CFAP47: variants seen among roughly 807,000 people sequenced by gnomAD.
CFAP47 encodes the protein cilia and flagella associated protein 47.
A neutral mutation model predicts 148.1 loss-of-function variants in CFAP47; 29 were observed. The observed-to-expected ratio is 0.20, with a 90% CI of 0.15 to 0.27. The LOEUF (loss-of-function observed/expected upper bound fraction) is 0.27, where lower values mean the gene tolerates loss of function less well. CFAP47 is among the 10% of genes least tolerant of loss of function. The pLI, the probability that CFAP47 is intolerant of heterozygous loss-of-function variation, is 1.00. For missense variants in CFAP47, 1,872 were observed against 1,697.5 expected (o/e 1.10, Z -1.81); for synonymous variants, 664 against 577.3 (o/e 1.15, Z -2.15).
At chrX:36,231,091 C>T (rs1484446562) in intron 46 of CFAP47, among the ~76,000 whole-genome samples, 3 of 109,147 alleles carry the variant, frequency 2.7e-5, no homozygotes, top group Non-Finnish European at 3.8e-5. Context: ...CTTGGCAATG[C>T]GGGCTCTTTT....
At chrX:36,351,224 C>T (rs1396155497) in intron 59 of CFAP47, among the ~76,000 whole-genome samples, 1 of 111,618 alleles carries the variant, frequency 9.0e-6, no homozygotes, top group East Asian at 2.8e-4. Context: ...ATACCTTTGA[C>T]CACAAATGTC....
chrX:36,179,529 A>G, intron 40 of CFAP47, 107 bp downstream of exon 40: 1 of 273,725 alleles, frequency 3.7e-6, no homozygotes, highest in Non-Finnish European at 6.4e-6. Context: ...ATTTATTCAA[A>G]ATGTTTAATT....
At chrX:36,316,598 G>T (rs782588510) in intron 56 of CFAP47, among the ~76,000 whole-genome samples, 11 of 111,797 alleles carry the variant, frequency 9.8e-5, no homozygotes, top group African/African-American at 9.8e-5. Context: ...AAACATTTTG[G>T]CTTATTCCAA....
At chrX:36,220,048 G>A (rs1940198302) in intron 45 of CFAP47, among the ~76,000 whole-genome samples, 1 of 111,553 alleles carries the variant, frequency 9.0e-6, no homozygotes, top group Non-Finnish European at 1.9e-5. Flanking sequence ...AAATTTGAAT[G>A]TTCCAAAACC....
chrX:36,136,246 A>AT (rs1412980643), intron 33 of CFAP47, among the ~76,000 whole-genome samples: 3 of 106,222 alleles, frequency 2.8e-5, no homozygotes, highest in African/African-American at 6.8e-5. Flanking sequence ...TGCTTGGAGG[A>AT]TTTTTTTTTA....
chrX:36,048,377 C>T (rs1052615040), intron 26 of CFAP47, among the ~76,000 whole-genome samples: 4 of 111,331 alleles, frequency 3.6e-5, no homozygotes, highest in Non-Finnish European at 5.7e-5. Context: ...CCTTTATTTG[C>T]ATCTGGTTTG....
intron 18 of CFAP47, among the ~76,000 whole-genome samples, chrX:35,994,704 C>A (rs756785535): frequency 2.7e-5 from 3 of 110,523 alleles, no homozygotes; most frequent in African/African-American, 9.9e-5. Context: ...AAAAAATGGC[C>A]ACCAAAAATG....
intron 62 of CFAP47, among the ~76,000 whole-genome samples, chrX:36,371,830 ATGTGTGTATATG>A (rs1208215201): frequency 4.6e-5 from 3 of 65,346 alleles, no homozygotes; most frequent in African/African-American, 1.6e-4. Flanking sequence ...ATATACACAC[ATGTGTGTATATG>A]TGTGTATATA....
At chrX:36,287,771 C>T (rs918226094) in intron 51 of CFAP47, among the ~76,000 whole-genome samples, 7 of 111,496 alleles carry the variant, frequency 6.3e-5, no homozygotes, top group South Asian at 3.7e-4. Context: ...TCGTAATTGT[C>T]GAAGGTAAAA....
intron 38 of CFAP47, among the ~76,000 whole-genome samples, chrX:36,159,940 G>T (rs1939409762): frequency 1.8e-5 from 2 of 112,040 alleles, no homozygotes; most frequent in Admixed American, 9.5e-5. Context: ...GGGTGGGGAA[G>T]AGAGATTTTT....
At chrX:36,052,787 A>G (rs1208447215) in intron 26 of CFAP47, among the ~76,000 whole-genome samples, 1 of 112,660 alleles carries the variant, frequency 8.9e-6, no homozygotes, top group Non-Finnish European at 1.9e-5. Context: ...AATTAGAAAG[A>G]ATTGAGGAAT....
rs1179503110 is a variant in CFAP47 at position 36,039,085 on chromosome X, T to C, written c.3913T>C (p.Leu1305=). The change falls in exon 25 of 64, where the codon TTA becomes CTA. Residue 1305 remains leucine, a synonymous_variant. Coordinates refer to ENST00000378653, the MANE Select transcript of CFAP47 (RefSeq NM_001304548.2). ...TACTGGGGAAGTAAAATCACCAGAG[T>C]TATTGTTTGACCCTCCATTTATATT... ...HLTGEVKSPE[L]LFDPPFIFFT... 1 of 1,103,734 alleles carries C rather than the reference T, an allele frequency of 9.1e-7. No homozygotes were observed. Among genetic ancestry groups the C allele is most frequent in the Non-Finnish European group, 1.2e-6 (1 of 818,765 alleles). The allele number at this position is 1,103,734 out of a possible 1,213,427, so 91.0% of individuals were successfully genotyped here.
At chrX:36,218,212 T>C (rs1940178184) in intron 45 of CFAP47, among the ~76,000 whole-genome samples, 1 of 112,736 alleles carries the variant, frequency 8.9e-6, no homozygotes, top group African/African-American at 3.2e-5. Context: ...ACAAAGTTAA[T>C]TTGCTGTCAG....
At chrX:36,108,232 G>A (rs997115567) in intron 33 of CFAP47, among the ~76,000 whole-genome samples, 1 of 110,708 alleles carries the variant, frequency 9.0e-6, no homozygotes, top group Non-Finnish European at 1.9e-5. Context: ...TCCTTCTTCT[G>A]TCTTTGCTCC....
intron 30 of CFAP47, among the ~76,000 whole-genome samples, chrX:36,096,060 T>C (rs1305818344): frequency 9.0e-6 from 1 of 111,163 alleles, no homozygotes; most frequent in Non-Finnish European, 1.9e-5. Context: ...GTTTCCAATA[T>C]CATTTATCTC....
intron 57 of CFAP47, among the ~76,000 whole-genome samples, chrX:36,347,086 A>G (rs182056338): frequency 1.8e-5 from 2 of 112,253 alleles, no homozygotes; most frequent in East Asian, 5.6e-4. Flanking sequence ...TCAAATTTAT[A>G]AGAAAAAAAC....
chrX:36,261,866 G>A (rs1940829788), intron 49 of CFAP47, among the ~76,000 whole-genome samples: 1 of 110,560 alleles, frequency 9.0e-6, no homozygotes, highest in Admixed American at 9.5e-5. Context: ...GGTGGTGGCC[G>A]GGCAGAGGGG....
intron 51 of CFAP47, among the ~76,000 whole-genome samples, chrX:36,294,567 C>G (rs1556006093): frequency 9.1e-6 from 1 of 110,043 alleles, no homozygotes; most frequent in Non-Finnish European, 1.9e-5. Context: ...AAAAAATTAG[C>G]CAGGCATGGT....
chrX:36,195,339 G>T lies in CFAP47; in HGVS notation c.6322-5040G>T, dbSNP rs1298753017. Among the ~76,000 whole-genome samples the T allele has an allele frequency of 6.2e-5, 7 of 112,332 alleles. No individual in the cohort carries two copies. The Admixed American group carries it at 6.6e-4, about 11-fold the overall frequency. ...TCTATGAACACAGCAAAACAGCTAA[G>T]TATGAAATCTCATGTACACATGGAT... On this transcript the variant is annotated intron_variant, in intron 42 of 63. Transcript: ENST00000378653.
Sources: gnomAD v4.1 joint callset for allele counts (sites outside exome capture counted in the v4.1 genomes callset) on GRCh38, gnomAD v4.1.1 for gene constraint, MANE v1.5 for transcripts, NCBI Gene and HGNC (gene_info 2026-07-23, HGNC 2026-07-21) for gene names.